RYR1: variants seen among roughly 807,000 people sequenced by gnomAD.
The protein encoded by RYR1 is ryanodine receptor 1.
In RYR1, 342 loss-of-function variants were observed where a neutral mutation model predicts 583.5. That is an observed-to-expected ratio of 0.59 (90% confidence interval 0.54 to 0.64). The LOEUF is 0.64. Among genes scored for constraint, RYR1 ranks in the 30% least tolerant of loss-of-function variants. The pLI, the probability that RYR1 is intolerant of heterozygous loss-of-function variation, is 0.00. For missense variants in RYR1, 6,032 were observed against 6,917.2 expected (o/e 0.87, Z 4.54); for synonymous variants, 2,791 against 2,822.5 (o/e 0.99, Z 0.35).
At chr19:38,532,596 C>T (rs1005811081) in intron 77 of RYR1, 55 bp downstream of exon 77, 1 of 1,613,448 alleles carries the variant, frequency 6.2e-7, no homozygotes, top group Non-Finnish European at 8.5e-7. Flanking sequence ...ACCTGCAGTG[C>T]TTGTCCACAA....
chr19:38,506,571 C>G, intron 56 of RYR1, 25 bp downstream of exon 56: 1 of 1,612,706 alleles, frequency 6.2e-7, no homozygotes, highest in Non-Finnish European at 8.5e-7. Context: ...GCCGCCCCCA[C>G]GCTACCCCCG....
rs140511089 is a variant in RYR1 at position 38,469,954 on chromosome 19, T to A, written c.3765+441T>A. Among the ~76,000 whole-genome samples the A allele has an allele frequency of 7.6e-3, 1,153 of 152,118 alleles. 16 individuals are homozygous for A. Among genetic ancestry groups the A allele is most frequent in the African/African-American group, 0.027 (1,101 of 41,482 alleles). The stretch of plus-strand genomic sequence containing the variant: ...GGTGTGTAGTATGCACATATAGCCC[T>A]AGCTACTCAGGAGGTTGAGACTGGA... On this transcript the variant is annotated intron_variant, in intron 27 of 105. Coordinates refer to ENST00000359596, the MANE Select transcript of RYR1 (RefSeq NM_000540.3).
chr19:38,570,811 G>A (rs1167815694), intron 94 of RYR1, 118 bp downstream of exon 94: 3 of 908,700 alleles, frequency 3.3e-6, no homozygotes, highest in Admixed American at 3.6e-5. Flanking sequence ...TTGGGCTTTG[G>A]GTCGTTAGGA....
rs4802474 is a variant in RYR1, at chr19:38,459,089, T to C, written c.2168-57T>C. The C allele has an allele frequency of 7.0e-6, 10 of 1,425,308 alleles. No individual in the cohort carries two copies. The East Asian group carries it at 1.1e-4, about 16-fold the overall frequency. The allele number at this position is 1,425,308 out of a possible 1,614,324, so 88.3% of individuals were successfully genotyped here. On this transcript the variant is annotated intron_variant, in intron 18 of 105. Coordinates refer to ENST00000359596, the MANE Select transcript of RYR1 (RefSeq NM_000540.3). ...TCCAATATCTGTCCCTTTTCTCTTGTTATCATTGGTTCTGTGGGACCTGTG... is the reference window on the plus strand; with the variant it reads ...TCCAATATCTGTCCCTTTTCTCTTGCTATCATTGGTTCTGTGGGACCTGTG...
intron 88 of RYR1, among the ~76,000 whole-genome samples, chr19:38,547,569 T>C (rs1454185818): frequency 6.6e-6 from 1 of 152,040 alleles, no homozygotes; most frequent in Non-Finnish European, 1.5e-5. Context: ...AAATCCATTC[T>C]CCCCACTTTA....
chr19:38,492,411 T>C (rs1969591513), intron 37 of RYR1, 79 bp from the exon 38 acceptor site: 3 of 1,489,664 alleles, frequency 2.0e-6, no homozygotes, highest in African/African-American at 2.8e-5. Flanking sequence ...CATGCACATA[T>C]GCACAAATAA....
intron 89 of RYR1, among the ~76,000 whole-genome samples, chr19:38,555,444 C>T (rs1270600631): frequency 7.2e-6 from 1 of 138,330 alleles, no homozygotes; most frequent in Non-Finnish European, 1.5e-5. Context: ...GAGACCCTGC[C>T]TCAAAAAAAA....
In RYR1 at chr19:38,473,683, G is replaced by C; in HGVS notation, c.4072G>C (p.Gly1358Arg). The change falls in exon 28 of 106, where the codon GGG becomes CGG. Residue 1358 changes from glycine to arginine, a missense_variant. Transcript: ENST00000359596. The stretch of plus-strand genomic sequence containing the variant: ...AGGGACTGCGAAGGAGGGCGCCCCC[G>C]GGGGCACCCCGCAGGCGGGGGGAGA... ...KEGTAKEGAP[G>R]GTPQAGGEAQ... 7 of 1,550,666 alleles carry C rather than the reference G, an allele frequency of 4.5e-6. 1 individual carries two copies. The highest frequency in any genetic ancestry group is 6.1e-6 in the Non-Finnish European group (7 of 1,147,136).
chr19:38,492,421 AATG>A, intron 37 of RYR1, 66 bp from the exon 38 acceptor site: 1 of 1,571,494 alleles, frequency 6.4e-7, no homozygotes, highest in South Asian at 1.1e-5. Flanking sequence ...TGCACAAATA[AATG>A]AGTGTGTAAG....
At chr19:38,495,698 G>A (rs979229429) in intron 39 of RYR1, among the ~76,000 whole-genome samples, 6 of 152,100 alleles carry the variant, frequency 3.9e-5, no homozygotes, top group Non-Finnish European at 8.8e-5. Context: ...AGAGGAGCCT[G>A]CCTTGGGTGC....
At chr19:38,534,193 A>G (rs969238672) in intron 78 of RYR1, among the ~76,000 whole-genome samples, 1 of 151,782 alleles carries the variant, frequency 6.6e-6, no homozygotes, top group Non-Finnish European at 1.5e-5. Flanking sequence ...TTGTATTTTT[A>G]GTAGAGGCGG....
intron 101 of RYR1, 45 bp from the exon 102 acceptor site, chr19:38,584,898 G>A: frequency 6.2e-7 from 1 of 1,611,920 alleles, no homozygotes; most frequent in Non-Finnish European, 8.5e-7. Flanking sequence ...CTGGTACTCA[G>A]TGAATGTCGA....
chr19:38,560,786 A>C (rs1371802712), intron 89 of RYR1, among the ~76,000 whole-genome samples: 2 of 149,526 alleles, frequency 1.3e-5, no homozygotes, highest in African/African-American at 4.9e-5. Context: ...GTTTCAGCTG[A>C]GGTGGGAGGA....
At chr19:38,533,816 C>T (rs118088580) in intron 78 of RYR1, among the ~76,000 whole-genome samples, 3,384 of 151,560 alleles carry the variant, frequency 0.022, 91 homozygotes, top group Admixed American at 0.071. Context: ...GCAGTAGATC[C>T]AACAGCTACT....
At chr19:38,438,952 CCTT>C (rs1972550550) in intron 1 of RYR1, among the ~76,000 whole-genome samples, 1 of 151,670 alleles carries the variant, frequency 6.6e-6, no homozygotes, top group African/African-American at 2.4e-5. Flanking sequence ...CTCAAGTAAT[CCTT>C]CTGCCTCAGC....
intron 34 of RYR1, among the ~76,000 whole-genome samples, chr19:38,486,405 G>A (rs1289242860): frequency 6.6e-6 from 1 of 151,862 alleles, no homozygotes; most frequent in Non-Finnish European, 1.5e-5. Context: ...GTGCAGTGGC[G>A]CAATCTCAGC....
chr19:38,445,092 A>G (rs1203339090), intron 7 of RYR1, among the ~76,000 whole-genome samples: 1 of 151,828 alleles, frequency 6.6e-6, no homozygotes, highest in Non-Finnish European at 1.5e-5. Context: ...CCCCATCTTT[A>G]TTAAAAATGC....
intron 93 of RYR1, among the ~76,000 whole-genome samples, chr19:38,570,236 G>A (rs1325819177): frequency 6.6e-6 from 1 of 152,088 alleles, no homozygotes; most frequent in South Asian, 2.1e-4. Flanking sequence ...GGCGGATCAC[G>A]AGGTCAGGAG....
chr19:38,446,151 C>CCA lies in RYR1; in HGVS notation c.632-311_632-310dup, dbSNP rs763269995. ...GTGAACATTAGACCTCCACCTTTCA[C>CCA]CACACACACACTCTGACCCCAACCT... On this transcript the variant is annotated intron_variant, in intron 7 of 105. Transcript: ENST00000359596. 5.0e-3 allele frequency among the ~76,000 whole-genome samples: 762 copies of CCA among 152,050 alleles called. 3 individuals are homozygous for CCA. The highest frequency in any genetic ancestry group is 7.5e-3 in the Non-Finnish European group (512 of 67,962).
Sources: allele counts gnomAD v4.1 joint callset (sites outside exome capture counted in the v4.1 genomes callset), GRCh38; gene constraint gnomAD v4.1.1; transcripts MANE v1.5; gene names NCBI Gene and HGNC (gene_info 2026-07-23, HGNC 2026-07-21).